The following CNTLN variants were observed in gnomAD, a reference collection of about 807,000 sequenced individuals.
CNTLN encodes the protein centlein, also known as centlein, centrosomal protein.
In CNTLN, 212 loss-of-function variants were observed where a neutral mutation model predicts 180.0. The ratio of observed to expected loss-of-function variants is 1.18; its 90% CI spans 1.05 to 1.32. The LOEUF (loss-of-function observed/expected upper bound fraction) is 1.32. Ranked by LOEUF, CNTLN falls within the 40% of genes most tolerant of loss-of-function variation. The pLI is 0.00. For missense variants in CNTLN, 2,095 were observed against 1,610.9 expected (o/e 1.30, Z -5.14); for synonymous variants, 722 against 563.1 (o/e 1.28, Z -3.99).
rs1165546888 is a variant in CNTLN at position 17,257,825 on chromosome 9, T to A, written c.850-15908T>A. On this transcript the variant is annotated intron_variant, in intron 5 of 25. Transcript: ENST00000380647. ...CTTTGCCCACTTTTTGATGGGGTTG[T>A]TTGTTTTTTTCTTGTAAATTTGTTT... is the stretch of plus-strand genomic sequence containing the variant. Among the ~76,000 whole-genome samples, 5 of 148,042 alleles carry A rather than the reference T, an allele frequency of 3.4e-5. No homozygotes were observed. The East Asian group carries it at 9.8e-4, about 29-fold the overall frequency.
At chr9:17,185,438 A>G (rs191146189) in intron 2 of CNTLN, among the ~76,000 whole-genome samples, 298 of 152,342 alleles carry the variant, frequency 2.0e-3, no homozygotes, top group African/African-American at 6.9e-3. Context: ...TGTTTCTAAG[A>G]TAAGTCACTA....
chr9:17,357,533 G>A (rs1822945875), intron 12 of CNTLN, among the ~76,000 whole-genome samples: 2 of 147,610 alleles, frequency 1.4e-5, no homozygotes, highest in South Asian at 2.1e-4. Flanking sequence ...TACTACTATA[G>A]TTTGTTTCCA....
chr9:17,481,342 G>C (rs1228078757), intron 23 of CNTLN, among the ~76,000 whole-genome samples: 1 of 152,196 alleles, frequency 6.6e-6, no homozygotes, highest in East Asian at 1.9e-4. Context: ...ACAGCTGACA[G>C]CCCCATCCAA....
intron 2 of CNTLN, among the ~76,000 whole-genome samples, chr9:17,181,486 A>C (rs1733632277): frequency 6.6e-6 from 1 of 152,158 alleles, no homozygotes; most frequent in Non-Finnish European, 1.5e-5. Flanking sequence ...CTGTTTTGAA[A>C]TTGTTGTCAC....
At chr9:17,363,295 C>A (rs1216577208) in intron 12 of CNTLN, among the ~76,000 whole-genome samples, 1 of 152,142 alleles carries the variant, frequency 6.6e-6, no homozygotes, top group Non-Finnish European at 1.5e-5. Context: ...GAGAAATCGC[C>A]ACACTGTCTT....
intron 2 of CNTLN, among the ~76,000 whole-genome samples, chr9:17,202,071 C>A (rs1822571651): frequency 6.6e-6 from 1 of 152,140 alleles, no homozygotes; most frequent in Non-Finnish European, 1.5e-5. Context: ...TTACTTATTT[C>A]TGTCTTAATT....
chr9:17,179,934 C>T (rs1821015325), intron 2 of CNTLN, among the ~76,000 whole-genome samples: 1 of 151,984 alleles, frequency 6.6e-6, no homozygotes, highest in Non-Finnish European at 1.5e-5. Flanking sequence ...CTTACTTTCC[C>T]TAGTAATTTT....
At chr9:17,150,984 G>T (rs138183863) in intron 2 of CNTLN, among the ~76,000 whole-genome samples, 1 of 152,088 alleles carries the variant, frequency 6.6e-6, no homozygotes, top group Non-Finnish European at 1.5e-5. Context: ...TGTGATTTTC[G>T]CACATTGATT....
chr9:17,259,090 G>A (rs905884353), intron 5 of CNTLN, among the ~76,000 whole-genome samples: 3 of 144,872 alleles, frequency 2.1e-5, no homozygotes, highest in Admixed American at 6.9e-5. Context: ...TGCCCATTCA[G>A]TATGATATTG....
At chr9:17,501,645 T>C (rs1185624424) in intron 25 of CNTLN, among the ~76,000 whole-genome samples, 1 of 152,198 alleles carries the variant, frequency 6.6e-6, no homozygotes, top group African/African-American at 2.4e-5. Context: ...GGAAGGGGGC[T>C]GGGCATGCTA....
At chr9:17,283,534 A>G (rs547433329) in intron 6 of CNTLN, among the ~76,000 whole-genome samples, 2 of 152,146 alleles carry the variant, frequency 1.3e-5, no homozygotes, top group Admixed American at 6.6e-5. Flanking sequence ...GAATCATGTC[A>G]TCTGCAAACA....
intron 2 of CNTLN, among the ~76,000 whole-genome samples, chr9:17,148,066 T>C (rs1250776832): frequency 1.3e-5 from 2 of 152,206 alleles, no homozygotes; most frequent in Non-Finnish European, 2.9e-5. Flanking sequence ...GGAGAAATTT[T>C]AATTAGATGC....
intron 6 of CNTLN, among the ~76,000 whole-genome samples, chr9:17,277,786 T>G (rs1469409596): frequency 2.0e-5 from 3 of 152,098 alleles, no homozygotes; most frequent in African/African-American, 7.2e-5. Flanking sequence ...GAAGTGCACA[T>G]ATAATGAAAA....
intron 15 of CNTLN, among the ~76,000 whole-genome samples, chr9:17,399,097 T>G (rs7041840): frequency 0.5 from 75,469 of 152,014 alleles, 19,931 homozygotes; most frequent in Non-Finnish European, 0.59. Context: ...GGGACGCAAG[T>G]CCTTTCTTTT....
At chr9:17,331,373 G>A (rs900901084) in intron 9 of CNTLN, among the ~76,000 whole-genome samples, 86 of 148,418 alleles carry the variant, frequency 5.8e-4, no homozygotes, top group African/African-American at 1.9e-3. Flanking sequence ...ATTTTTTTTA[G>A]TATTCATTAC....
intron 7 of CNTLN, among the ~76,000 whole-genome samples, chr9:17,306,680 A>G (rs939066582): frequency 6.6e-6 from 1 of 152,158 alleles, no homozygotes; most frequent in African/African-American, 2.4e-5. Context: ...TTAGGATAGA[A>G]GGTATGTAGT....
chr9:17,517,261 G>A, the CNTLN span, among the ~76,000 whole-genome samples: 1 of 151,824 alleles, frequency 6.6e-6, no homozygotes, highest in Non-Finnish European at 1.5e-5. Flanking sequence ...GTGTGGTGGC[G>A]GGCGCCTGTA....
intron 2 of CNTLN, among the ~76,000 whole-genome samples, chr9:17,214,344 G>A (rs963279035): frequency 6.6e-6 from 1 of 152,264 alleles, no homozygotes; most frequent in African/African-American, 2.4e-5. Flanking sequence ...GAAATTCTGG[G>A]TTGAAAATTA....
Position 17,374,864 on chromosome 9 carries a change from A to G in CNTLN, c.1987+8147A>G, listed in dbSNP as rs752258500. Among the ~76,000 whole-genome samples the G allele has an allele frequency of 1.4e-3, 189 of 139,472 alleles. 2 individuals carry two copies. The highest frequency in any genetic ancestry group is 1.5e-3 in the Non-Finnish European group (95 of 64,910). The allele number at this position is 139,472 out of a possible 152,430, so 91.5% of individuals were successfully genotyped here. On this transcript the variant is annotated intron_variant, in intron 13 of 25. Transcript: ENST00000380647. The stretch of plus-strand genomic sequence containing the variant: ...GACAGAAGTGAGACTCCATCTCAGG[A>G]AAAAAAAAAAAAGGAAGTAGAGCTG...
Sources: gnomAD v4.1 joint callset for allele counts (sites outside exome capture counted in the v4.1 genomes callset) on GRCh38, gnomAD v4.1.1 for gene constraint, MANE v1.5 for transcripts, NCBI Gene and HGNC (gene_info 2026-07-23, HGNC 2026-07-21) for gene names.